Variants in TDG observed in about 807,000 individuals in gnomAD.
TDG encodes the protein thymine DNA glycosylase.
A neutral mutation model predicts 46.1 loss-of-function variants in TDG; 23 were observed. That is an observed-to-expected ratio of 0.50 (90% CI 0.36 to 0.71). TDG has a LOEUF of 0.71. Ranked by LOEUF, TDG falls within the 30% of genes least tolerant of loss-of-function variation. TDG has a pLI of 0.00. For synonymous variants in TDG, 115 were observed against 161.3 expected, an observed-to-expected ratio of 0.71 and a Z score of 2.18; for missense variants, 304 against 486.7, an observed-to-expected ratio of 0.62 and a Z score of 3.53.
At chr12:103,974,786 C>T (rs564672402) in intron 1 of TDG, among the ~76,000 whole-genome samples, 2 of 151,776 alleles carry the variant, frequency 1.3e-5, no homozygotes, top group East Asian at 1.9e-4. Context: ...CTGGCTAACA[C>T]GGTGAAACCC....
chr12:103,980,018 ACTT>A lies in TDG; in HGVS notation c.357_359del (p.Leu120del), dbSNP rs1203340084. On this transcript the variant is annotated inframe_deletion, in exon 3 of 10. Coordinates refer to ENST00000392872, the MANE Select transcript of TDG (RefSeq NM_003211.6). ...GTTTTAATGGTGTTTCAGAAGCTGAACTTCTGACCAAGACTCTCCCCGATATTT... is the reference window on the plus strand; with the variant it reads ...GTTTTAATGGTGTTTCAGAAGCTGAACTGACCAAGACTCTCCCCGATATTT... The A allele has an allele frequency of 6.2e-7, 1 of 1,614,034 alleles. No homozygotes were observed.
At chr12:103,977,372 A>C (rs557838942) in intron 2 of TDG, among the ~76,000 whole-genome samples, 11 of 152,316 alleles carry the variant, frequency 7.2e-5, no homozygotes, top group African/African-American at 2.4e-4. Context: ...ACTCAGACTG[A>C]TGGCTCAGAG....
Position 103,983,320 on chromosome 12 carries a change from A to G in TDG, c.723A>G (p.Glu241=). 6.3e-7 allele frequency: 1 copy of G among 1,595,312 alleles called. No homozygotes were observed. The highest frequency in any genetic ancestry group is 2.3e-5 in the East Asian group (1 of 44,106). The part of the protein sequence containing the change: ...GKCIYEIFSK[E]VFGVKVKNLE... ...GTATTTATGAAATTTTTAGTAAAGA[A>G]GTTTTTGGAGTAAAGGTTAAGAACT... Residue 241 remains glutamate (E), a synonymous_variant, in exon 7 of 10, where the codon GAA becomes GAG. Transcript: ENST00000392872.
At chr12:103,968,417 A>G (rs1310348791) in intron 1 of TDG, among the ~76,000 whole-genome samples, 1 of 152,212 alleles carries the variant, frequency 6.6e-6, no homozygotes, top group Non-Finnish European at 1.5e-5. Context: ...TTAGATGTTG[A>G]CAACAAGAAG....
chr12:103,986,325 TGTATTCCGG>T (rs1872155872), intron 9 of TDG: 2 of 152,356 alleles, frequency 1.3e-5, no homozygotes, highest in South Asian at 4.1e-4. Flanking sequence ...ACTTAACAGT[TGTATTCCGG>T]AAGCTTGCTT....
At chr12:103,972,086 A>G (rs971016870) in intron 1 of TDG, among the ~76,000 whole-genome samples, 1 of 152,138 alleles carries the variant, frequency 6.6e-6, no homozygotes, top group East Asian at 1.9e-4. Context: ...TTATACATTT[A>G]GTTGTTATTA....
chr12:103,983,268 T>G (rs781007711), intron 6 of TDG, 27 bp from the exon 7 acceptor site: 2 of 1,570,330 alleles, frequency 1.3e-6, no homozygotes, highest in Non-Finnish European at 1.7e-6. Flanking sequence ...TTATGGGCAA[T>G]GTAAATATGT....
At chr12:103,970,562 A>T (rs1289848167) in intron 1 of TDG, among the ~76,000 whole-genome samples, 3 of 152,138 alleles carry the variant, frequency 2.0e-5, no homozygotes, top group African/African-American at 7.2e-5. Flanking sequence ...TTTTAGAGAA[A>T]ACCTTAAAAA....
At chr12:103,969,330 G>A (rs976229385) in intron 1 of TDG, among the ~76,000 whole-genome samples, 1 of 152,222 alleles carries the variant, frequency 6.6e-6, no homozygotes, top group Admixed American at 6.5e-5. Context: ...TAGCAAATGT[G>A]CTTTACTGCC....
rs1213029185 is a variant in TDG at position 103,966,068 on chromosome 12, C to T, written c.23+8C>T. On this transcript the variant is annotated splice_region_variant and intron_variant, in intron 1 of 9. Transcript: ENST00000392872. ...AGCGGAGAACGCGGGCAGGTAATAC[C>T]GGGGCCAGCGCCGCCCCTCCCTTGC... The T allele has an allele frequency of 5.1e-6, 8 of 1,576,152 alleles. No homozygotes were observed. Among genetic ancestry groups the T allele is most frequent in the Non-Finnish European group, 6.9e-6 (8 of 1,160,684 alleles).
chr12:103,986,866 T>C (rs1252810460), intron 9 of TDG, 82 bp from the exon 10 acceptor site: 3 of 1,486,764 alleles, frequency 2.0e-6, no homozygotes, highest in Non-Finnish European at 9.2e-7. Flanking sequence ...GCCTGGGCGA[T>C]AGAGTAAGAC....
At chr12:103,967,456 CTTTTTTT>C (rs35778626) in intron 1 of TDG, among the ~76,000 whole-genome samples, 1 of 121,368 alleles carries the variant, frequency 8.2e-6, no homozygotes, top group Non-Finnish European at 1.7e-5. Flanking sequence ...AATAAATTTA[CTTTTTTT>C]TTTTTTTTTT....
At chr12:103,980,218 G>C in intron 3 of TDG, 146 bp downstream of exon 3, 1 of 1,145,418 alleles carries the variant, frequency 8.7e-7, no homozygotes, top group Non-Finnish European at 1.2e-6. Context: ...TCATGAGGTT[G>C]TGTTATATGA....
intron 1 of TDG, among the ~76,000 whole-genome samples, chr12:103,975,403 G>A (rs1348241431): frequency 1.3e-5 from 2 of 152,136 alleles, no homozygotes; most frequent in Non-Finnish European, 2.9e-5. Context: ...CATAGACTGG[G>A]CAATTAATAA....
chr12:103,985,533 T>C, intron 8 of TDG, 70 bp from the exon 9 acceptor site: 1 of 1,509,450 alleles, frequency 6.6e-7, no homozygotes, highest in Non-Finnish European at 8.9e-7. Context: ...TTGTTCATGA[T>C]TTCTGAATAA....
At chr12:103,974,523 C>T (rs916416679) in intron 1 of TDG, among the ~76,000 whole-genome samples, 1 of 152,188 alleles carries the variant, frequency 6.6e-6, no homozygotes, top group Non-Finnish European at 1.5e-5. Flanking sequence ...TCAAGTGATC[C>T]TCCCGCCTTG....
chr12:103,969,497 C>T (rs1220720369), intron 1 of TDG, among the ~76,000 whole-genome samples: 2 of 152,206 alleles, frequency 1.3e-5, no homozygotes, highest in Admixed American at 1.3e-4. Context: ...AGTACCTTAA[C>T]GTCAGGGTGC....
rs750425890 is a variant in TDG, at chr12:103,979,890, C to T, written c.226C>T (p.Pro76Ser). ...AACAGAACCAAAACAACCAGTGGAA[C>T]CCAAAAAACCTGTTGAGTCAAAAAA... ...RTTEPKQPVE[P>S]KKPVESKKSG... The change falls in exon 3 of 10, where the codon CCC becomes TCC. Residue 76 changes from proline (P) to serine (S), a missense_variant. By Grantham distance (74) the Pro-to-Ser change is moderately conservative (BLOSUM62 -1). Transcript: ENST00000392872. 3 of 1,605,850 alleles carry T rather than the reference C, an allele frequency of 1.9e-6. No individual in the cohort carries two copies. Among genetic ancestry groups the T allele is most frequent in the Non-Finnish European group, 2.5e-6 (3 of 1,178,238 alleles).
At chr12:103,971,753 G>T (rs4135062) in intron 1 of TDG, among the ~76,000 whole-genome samples, 1 of 152,052 alleles carries the variant, frequency 6.6e-6, no homozygotes, top group Non-Finnish European at 1.5e-5. Context: ...AAAATCAATC[G>T]TGCTTGTAAG....
Sources: allele counts gnomAD v4.1 joint callset (sites outside exome capture counted in the v4.1 genomes callset), GRCh38; gene constraint gnomAD v4.1.1; transcripts MANE v1.5; gene names NCBI Gene and HGNC (gene_info 2026-07-23, HGNC 2026-07-21).